Variants in STOML3 observed in about 807,000 individuals in gnomAD.
The protein encoded by STOML3 is stomatin-like protein 3.
STOML3 carries 31 observed loss-of-function variants against 29.5 expected under a neutral mutation model. The ratio of observed to expected loss-of-function variants is 1.05; its 90% CI spans 0.79 to 1.42. STOML3 has a LOEUF of 1.42. Ranked by LOEUF, STOML3 falls within the 40% of genes most tolerant of loss-of-function variation. The pLI is 0.00. For synonymous variants in STOML3, 122 were observed against 139.8 expected, an observed-to-expected ratio of 0.87 and a Z score of 0.90; for missense variants, 380 against 363.0, an observed-to-expected ratio of 1.05 and a Z score of -0.38.
At chr13:38,978,084 C>T (rs1881152002) in intron 1 of STOML3, among the ~76,000 whole-genome samples, 1 of 151,916 alleles carries the variant, frequency 6.6e-6, no homozygotes, top group African/African-American at 2.4e-5. Flanking sequence ...GTAAAATAAG[C>T]AGGTCTGGCT....
chr13:38,976,192 G>A (rs542478338), intron 3 of STOML3, among the ~76,000 whole-genome samples: 139 of 152,280 alleles, frequency 9.1e-4, no homozygotes, highest in African/African-American at 3.0e-3. Context: ...AATAGTGTGC[G>A]TTGGCCATTT....
At chr13:38,973,329 T>C (rs1458925213) in intron 3 of STOML3, among the ~76,000 whole-genome samples, 1 of 152,088 alleles carries the variant, frequency 6.6e-6, no homozygotes, top group South Asian at 2.1e-4. Flanking sequence ...GTTGTGATAA[T>C]GGCATATGTC....
chr13:38,986,509 C>T (rs1166677748), intron 1 of STOML3, among the ~76,000 whole-genome samples: 1 of 152,082 alleles, frequency 6.6e-6, no homozygotes, highest in Non-Finnish European at 1.5e-5. Flanking sequence ...GTTAACCATT[C>T]TATCTCCCTT....
chr13:38,970,211 G>A lies in STOML3; in HGVS notation c.490C>T (p.Arg164Ter), dbSNP rs145475983. Residue 164 changes from arginine to a stop codon, truncating the protein, a stop_gained, in exon 5 of 7, where the codon CGA (arginine) becomes TGA (stop). Coordinates refer to ENST00000379631, the MANE Select transcript of STOML3 (RefSeq NM_145286.3). LOFTEE classifies it high-confidence loss of function. Reference sequence around the variant, plus strand: ...TGGATGCTATGGGCGATCTCTTCTCGTCCAGCTAAGATCTGGGACAAGGTC... The same window carrying A: ...TGGATGCTATGGGCGATCTCTTCTCATCCAGCTAAGATCTGGGACAAGGTC... ...TQTLSQILAGREEIAHSIQTL... is the reference protein window; with the variant it reads ...TQTLSQILAG The A allele has an allele frequency of 1.2e-3, 1,927 of 1,613,680 alleles. 7 individuals are homozygous for A. The highest frequency in any genetic ancestry group is 1.5e-3 in the Non-Finnish European group (1,803 of 1,179,764).
intron 5 of STOML3, 147 bp from the exon 6 acceptor site, chr13:38,968,681 G>T: frequency 2.2e-6 from 2 of 916,626 alleles, no homozygotes; most frequent in Non-Finnish European, 3.2e-6. Flanking sequence ...AATTTAGGAA[G>T]AGAATAAGAG....
At position 38,980,241 on chromosome 13, in the gene STOML3, G is replaced by T; in HGVS notation, c.53-3444C>A. 7 of 1,063,296 alleles carry T rather than the reference G, an allele frequency of 6.6e-6. No homozygotes were observed. In the South Asian group the frequency reaches 9.1e-5, roughly 14 times the overall value. 65.9% of individuals were successfully genotyped at this position (1,063,296 alleles called of 1,614,324 possible). Reference sequence around the variant, plus strand: ...CTGGGAGAATTGGTGGAGCCTGGGGGTCTCATTAGCTGCCAGTTAAAGTGG... The same window carrying T: ...CTGGGAGAATTGGTGGAGCCTGGGGTTCTCATTAGCTGCCAGTTAAAGTGG... On this transcript the variant is annotated intron_variant, in intron 1 of 6. Coordinates refer to ENST00000379631, the MANE Select transcript of STOML3 (RefSeq NM_145286.3).
intron 3 of STOML3, among the ~76,000 whole-genome samples, chr13:38,972,810 C>G (rs2138010021): frequency 6.6e-6 from 1 of 152,220 alleles, no homozygotes; most frequent in South Asian, 2.1e-4. Flanking sequence ...TGGTAAGAAG[C>G]TAAAGATCCC....
intron 1 of STOML3, among the ~76,000 whole-genome samples, chr13:38,977,241 G>A (rs933014415): frequency 6.6e-6 from 1 of 152,134 alleles, no homozygotes; most frequent in Non-Finnish European, 1.5e-5. Flanking sequence ...GAGACAATGT[G>A]GTACATGGAA....
intron 3 of STOML3, among the ~76,000 whole-genome samples, chr13:38,974,766 A>T (rs148207236): frequency 2.1e-4 from 32 of 152,278 alleles, no homozygotes; most frequent in African/African-American, 6.7e-4. Flanking sequence ...GACATTTAAT[A>T]GTGAAATCTT....
intron 1 of STOML3, among the ~76,000 whole-genome samples, chr13:38,988,868 A>G (rs1285346517): frequency 7.0e-6 from 1 of 143,836 alleles, no homozygotes; most frequent in African/African-American, 2.5e-5. Flanking sequence ...ATGCTGTATT[A>G]TATAATATAT....
Position 38,973,096 on chromosome 13 carries a change from TAAAAAAAA to T in STOML3, c.230-510_230-503del, listed in dbSNP as rs71074495. 3.9e-3 allele frequency among the ~76,000 whole-genome samples: 127 copies of T among 32,564 alleles called. 1 individual carries two copies. Among genetic ancestry groups the T allele is most frequent in the African/African-American group, 0.015 (116 of 7,938 alleles). The allele number at this position is 32,564 out of a possible 152,430, so 21.4% of individuals were successfully genotyped here. A position where few individuals can be genotyped will look rare whatever the true frequency, so the allele number is the denominator to read the frequency against. On this transcript the variant is annotated intron_variant, in intron 3 of 6. Coordinates refer to ENST00000379631, the MANE Select transcript of STOML3 (RefSeq NM_145286.3). ...CAACATGGTGAAGCCCCGTCTCTAC[TAAAAAAAA>T]AAAAAAAAAAAAAAAAAAAAAAAAA...
chr13:38,968,919 T>C (rs951265988), intron 5 of STOML3, among the ~76,000 whole-genome samples: 11 of 152,134 alleles, frequency 7.2e-5, no homozygotes, highest in Non-Finnish European at 1.2e-4. Context: ...GACCTGGATT[T>C]TGCTTTGGCT....
chr13:38,973,601 A>G (rs1034396928), intron 3 of STOML3, among the ~76,000 whole-genome samples: 2 of 152,148 alleles, frequency 1.3e-5, no homozygotes, highest in African/African-American at 2.4e-5. Context: ...ATTACCTCCC[A>G]GGGTCCTCAC....
intron 1 of STOML3, among the ~76,000 whole-genome samples, chr13:38,988,445 T>G (rs9706666): frequency 0.059 from 715 of 12,064 alleles, 62 homozygotes; most frequent in Middle Eastern, 0.2. Context: ...TAAAATATAT[T>G]ATATTTTATA....
rs1008956095 is a variant in STOML3, at chr13:38,990,608, C to T, written c.52+62G>A. On this transcript the variant is annotated intron_variant, in intron 1 of 6. Transcript: ENST00000379631. ...ACTTACTCTATACCTGTCTATAATG[C>T]TACAACTCCTGCTTTGCCATATATG... The T allele has an allele frequency of 9.6e-6, 15 of 1,564,542 alleles. No individual in the cohort carries two copies. The South Asian group carries it at 1.7e-4, about 17-fold the overall frequency.
intron 3 of STOML3, among the ~76,000 whole-genome samples, chr13:38,974,303 T>C (rs1880993851): frequency 6.6e-6 from 1 of 152,078 alleles, no homozygotes; most frequent in Admixed American, 6.5e-5. Context: ...CCAAACACCG[T>C]GTAAAGGGGT....
At chr13:38,972,658 G>T in intron 3 of STOML3, 64 bp from the exon 4 acceptor site, 2 of 1,372,290 alleles carry the variant, frequency 1.5e-6, no homozygotes, top group Non-Finnish European at 2.1e-6. Context: ...TAGTCTCATA[G>T]CAGCATAGTG....
intron 1 of STOML3, among the ~76,000 whole-genome samples, chr13:38,987,774 C>A (rs12854781): frequency 0.16 from 12,331 of 79,048 alleles, 1,294 homozygotes; most frequent in African/African-American, 0.35. Context: ...ATAATATATA[C>A]TATTGTGTAT....
intron 1 of STOML3, among the ~76,000 whole-genome samples, chr13:38,988,940 T>G (rs920153326): frequency 2.1e-4 from 30 of 144,758 alleles, no homozygotes; most frequent in Admixed American, 1.0e-3. Context: ...TTATACAATA[T>G]ATTATATATA....
Sources: gnomAD v4.1 joint callset for allele counts (sites outside exome capture counted in the v4.1 genomes callset) on GRCh38, gnomAD v4.1.1 for gene constraint, MANE v1.5 for transcripts, NCBI Gene and HGNC (gene_info 2026-07-23, HGNC 2026-07-21) for gene names.